The following TLN2 variants were observed in gnomAD, a reference collection of about 807,000 sequenced individuals.
TLN2 encodes the protein talin 2.
A neutral mutation model predicts 294.7 loss-of-function variants in TLN2; 118 were observed. The ratio of observed to expected loss-of-function variants is 0.40; its 90% CI spans 0.34 to 0.47. TLN2 has a LOEUF of 0.47. Among genes scored for constraint, TLN2 ranks in the 20% least tolerant of loss-of-function variants. The pLI, the probability that TLN2 is intolerant of heterozygous loss-of-function variation, is 0.84. For synonymous variants in TLN2, 1,431 were observed against 1,304.5 expected (o/e 1.10, Z -2.09); for missense variants, 3,083 against 3,282.2 (o/e 0.94, Z 1.48).
At chr15:62,688,582 A>G (rs1270135612) in intron 12 of TLN2, among the ~76,000 whole-genome samples, 1 of 152,078 alleles carries the variant, frequency 6.6e-6, no homozygotes, top group Admixed American at 6.5e-5. Context: ...TCTGCCTGGC[A>G]GTTTTCTCAG....
At position 62,656,037 on chromosome 15, in the gene TLN2, A is replaced by G; in HGVS notation, c.611A>G (p.Gln204Arg). Reference protein sequence around the residue: ...LLRRKFFYSDQNVDSRDPVQL... With the variant: ...LLRRKFFYSDRNVDSRDPVQL... ...AGACGGAAGTTCTTTTACTCTGATC[A>G]GAATGTAGATTCGAGAGACCCCGTG... The change falls in exon 8 of 59, where the codon CAG (glutamine) becomes CGG (arginine). Residue 204 changes from glutamine to arginine, a missense_variant. Physicochemically the swap from Gln to Arg is conservative, Grantham distance 43. Coordinates refer to ENST00000636159, the MANE Select transcript of TLN2 (RefSeq NM_015059.3). 6.2e-7 allele frequency: 1 copy of G among 1,614,230 alleles called. No individual in the cohort carries two copies. The highest frequency in any genetic ancestry group is 8.5e-7 in the Non-Finnish European group (1 of 1,180,046).
At position 62,441,667 on chromosome 15, in the gene TLN2, C is replaced by T. The variant is rs535510947; in HGVS notation, c.-238+50982C>T. Among the ~76,000 whole-genome samples the T allele has an allele frequency of 2.6e-4, 40 of 152,284 alleles. 2 individuals are homozygous for T. The highest frequency in any genetic ancestry group is 9.6e-4 in the African/African-American group (40 of 41,564). ...TACCTGGAGATATAGGGTCAGATCC[C>T]ATAGGTTGAGGGTTTAGCCCCACAA... On this transcript the variant is annotated intron_variant, in intron 1 of 58. Coordinates refer to ENST00000636159, the MANE Select transcript of TLN2 (RefSeq NM_015059.3).
Position 62,657,284 on chromosome 15 carries a change from CTG to C in TLN2, c.661-474_661-473del, listed in dbSNP as rs146599871. Among the ~76,000 whole-genome samples, 10 of 151,736 alleles carry C rather than the reference CTG, an allele frequency of 6.6e-5. No homozygotes were observed. The East Asian group carries it at 7.7e-4, about 12-fold the overall frequency. ...GCTGTCTTGAGTATTGAGTTCTTGT[CTG>C]TGTGTGTGTGTGCCTATCGCCTTTC... On this transcript the variant is annotated intron_variant, in intron 8 of 58. Transcript: ENST00000636159.
At chr15:62,548,273 T>C (rs2042105450) in intron 1 of TLN2, among the ~76,000 whole-genome samples, 2 of 151,184 alleles carry the variant, frequency 1.3e-5, no homozygotes, top group African/African-American at 4.9e-5. Flanking sequence ...GAGCTAGGAG[T>C]AGATGGAGTA....
intron 17 of TLN2, 40 bp from the exon 18 acceptor site, chr15:62,701,952 T>C (rs1331186607): frequency 1.0e-5 from 16 of 1,607,702 alleles, no homozygotes; most frequent in Non-Finnish European, 1.4e-5. Context: ...ACCAGAACCA[T>C]GTGCCCTCCT....
chr15:62,450,717 C>G (rs1406054764), intron 1 of TLN2, among the ~76,000 whole-genome samples: 1 of 151,916 alleles, frequency 6.6e-6, no homozygotes, highest in Non-Finnish European at 1.5e-5. Flanking sequence ...TGAGTACTAG[C>G]TCCTGTGTGC....
chr15:62,456,200 C>A (rs750758806), intron 1 of TLN2, among the ~76,000 whole-genome samples: 21 of 152,188 alleles, frequency 1.4e-4, no homozygotes, highest in Admixed American at 3.3e-4. Context: ...CTGGAAAGCT[C>A]TGAGTCAGAT....
intron 1 of TLN2, among the ~76,000 whole-genome samples, chr15:62,569,001 C>G (rs1046917560): frequency 6.6e-5 from 10 of 152,184 alleles, no homozygotes; most frequent in African/African-American, 2.2e-4. Context: ...TCGGGCCATG[C>G]TCCCTCCAAA....
chr15:62,760,830 A>G (rs1386918892), intron 37 of TLN2, among the ~76,000 whole-genome samples: 2 of 152,182 alleles, frequency 1.3e-5, no homozygotes, highest in Non-Finnish European at 2.9e-5. Context: ...GAAGCATAAG[A>G]TACACACAGA....
chr15:62,811,466 C>G (rs1275100799), intron 52 of TLN2, among the ~76,000 whole-genome samples: 1 of 152,192 alleles, frequency 6.6e-6, no homozygotes. Context: ...CCAAAGACCT[C>G]TTTTTCATTA....
chr15:62,787,031 A>G (rs1244203009), intron 45 of TLN2, among the ~76,000 whole-genome samples: 1 of 151,890 alleles, frequency 6.6e-6, no homozygotes, highest in Non-Finnish European at 1.5e-5. Context: ...CAGCCTCCCA[A>G]GTAGCTGGGA....
rs371596808 is a variant in TLN2, at chr15:62,429,759, C to T, written c.-238+39074C>T. ...TCAGGCACACCAATATCAGAAATAC[C>T]AGAAACTTTCTAGAAGCAAACATAA... On this transcript the variant is annotated intron_variant, in intron 1 of 58. Coordinates refer to ENST00000636159, the MANE Select transcript of TLN2 (RefSeq NM_015059.3). Among the ~76,000 whole-genome samples the T allele has an allele frequency of 2.6e-5, 4 of 152,166 alleles. No homozygotes were observed. The South Asian group carries it at 6.2e-4, about 24-fold the overall frequency.
At chr15:62,664,813 T>C (rs1381861161) in intron 9 of TLN2, among the ~76,000 whole-genome samples, 5 of 129,314 alleles carry the variant, frequency 3.9e-5, no homozygotes, top group Admixed American at 9.1e-5. Flanking sequence ...AGCTGAGATA[T>C]GCATCATTGT....
At chr15:62,719,972 C>T in intron 25 of TLN2, 92 bp downstream of exon 25, 1 of 959,212 alleles carries the variant, frequency 1.0e-6, no homozygotes. Context: ...ATTCCACAGC[C>T]TCAGCTAAGT....
intron 1 of TLN2, among the ~76,000 whole-genome samples, chr15:62,537,263 C>A (rs1251285695): frequency 6.6e-6 from 1 of 152,204 alleles, no homozygotes; most frequent in African/African-American, 2.4e-5. Context: ...GATCCGCCCA[C>A]CTCTGCCTCC....
intron 28 of TLN2, among the ~76,000 whole-genome samples, chr15:62,729,529 G>GT (rs35248532): frequency 0.096 from 14,537 of 152,120 alleles, 1,007 homozygotes; most frequent in Admixed American, 0.21. Context: ...TCTCAGTACA[G>GT]TTTTATGGTT....
At chr15:62,399,031 C>T (rs754557109) in intron 1 of TLN2, among the ~76,000 whole-genome samples, 47 of 152,092 alleles carry the variant, frequency 3.1e-4, no homozygotes, top group South Asian at 8.3e-4. Context: ...GCATCCCAGC[C>T]GCTCCAGCAG....
At chr15:62,646,353 G>T (rs180800580) in intron 3 of TLN2, among the ~76,000 whole-genome samples, 1 of 151,976 alleles carries the variant, frequency 6.6e-6, no homozygotes, top group East Asian at 1.9e-4. Flanking sequence ...AATAGAGACC[G>T]TGTTTCACCA....
rs2059236628 is a variant in TLN2, at chr15:62,708,816, G to GTGGGTGGA, written c.2467+28_2467+35dup. 6 of 1,585,416 alleles carry GTGGGTGGA rather than the reference G, an allele frequency of 3.8e-6. No homozygotes were observed. The East Asian group carries it at 1.3e-4, about 36-fold the overall frequency. Reference sequence around the variant, plus strand: ...ACGCTGGTAAGGCACTGTGCTGTGGGTGGGTGGATGGGTGGCTTTTGATGT... The same window carrying GTGGGTGGA: ...ACGCTGGTAAGGCACTGTGCTGTGGGTGGGTGGATGGGTGGATGGGTGGCTTTTGATGT... On this transcript the variant is annotated intron_variant, in intron 21 of 58. Coordinates refer to ENST00000636159, the MANE Select transcript of TLN2 (RefSeq NM_015059.3).
Sources: gnomAD v4.1 joint callset for allele counts (sites outside exome capture counted in the v4.1 genomes callset) on GRCh38, gnomAD v4.1.1 for gene constraint, MANE v1.5 for transcripts, NCBI Gene and HGNC (gene_info 2026-07-23, HGNC 2026-07-21) for gene names.